Variants in SYNDIG1 observed in about 807,000 individuals in gnomAD.
The protein encoded by SYNDIG1 is synapse differentiation-inducing gene protein 1.
SYNDIG1 carries 9 observed loss-of-function variants against 19.4 expected under a neutral mutation model. That is an observed-to-expected ratio of 0.46 (90% CI 0.28 to 0.81). SYNDIG1 has a LOEUF of 0.81. SYNDIG1 is among the 30% of genes least tolerant of loss of function. The pLI is 0.12. For synonymous variants in SYNDIG1, 141 were observed against 145.9 expected (o/e 0.97, Z 0.24); for missense variants, 311 against 343.3 (o/e 0.91, Z 0.74).
intron 3 of SYNDIG1, among the ~76,000 whole-genome samples, chr20:24,641,877 A>G (rs1269465803): frequency 1.3e-5 from 2 of 152,260 alleles, no homozygotes; most frequent in Admixed American, 6.5e-5. Context: ...TTACTAAGAC[A>G]GTACACAGAG....
intron 1 of SYNDIG1, among the ~76,000 whole-genome samples, chr20:24,511,021 T>A (rs1431121016): frequency 6.6e-6 from 1 of 152,234 alleles, no homozygotes; most frequent in African/African-American, 2.4e-5. Flanking sequence ...GAAATTCCAA[T>A]TTGCCTTGTC....
At chr20:24,555,198 C>A (rs2057788620) in intron 2 of SYNDIG1, among the ~76,000 whole-genome samples, 1 of 151,916 alleles carries the variant, frequency 6.6e-6, no homozygotes, top group Admixed American at 6.6e-5. Flanking sequence ...TCTCTCTTTT[C>A]TTCCTTATTA....
Position 24,556,732 on chromosome 20 carries a change from C to T in SYNDIG1, c.480+13155C>T, listed in dbSNP as rs1251427461. On this transcript the variant is annotated intron_variant, in intron 2 of 3. Transcript: ENST00000376862. ...AACCCGACGTTTCTCTCTAGCTGCC[C>T]TTAACATTTTTTCCTTCATTTCAAC... is the stretch of plus-strand genomic sequence containing the variant. Among the ~76,000 whole-genome samples the T allele has an allele frequency of 2.0e-5, 3 of 152,284 alleles. No homozygotes were observed. In the East Asian group the frequency reaches 5.8e-4, roughly 29 times the overall value.
rs2055893108 is a variant in SYNDIG1 at position 24,484,257 on chromosome 20, GTGTAT to G, written c.-79+14505_-79+14509del. 2.0e-5 allele frequency among the ~76,000 whole-genome samples: 3 copies of G among 152,180 alleles called. No individual in the cohort carries two copies. In the East Asian group the frequency reaches 5.8e-4, roughly 29 times the overall value. ...ATTCTCTCAGGCAGGTGCTGTCAGA[GTGTAT>G]CTGGAGCCAGAAGAGTGGGGGGCCT... On this transcript the variant is annotated intron_variant, in intron 1 of 3. Transcript: ENST00000376862.
intron 3 of SYNDIG1, among the ~76,000 whole-genome samples, chr20:24,591,958 C>T (rs1005524985): frequency 6.6e-6 from 1 of 152,196 alleles, no homozygotes; most frequent in Admixed American, 6.5e-5. Context: ...GTCTGATATC[C>T]TTGCCTCTTG....
At chr20:24,478,497 G>T (rs12479668) in intron 1 of SYNDIG1, among the ~76,000 whole-genome samples, 2,427 of 152,294 alleles carry the variant, frequency 0.016, 35 homozygotes, top group Non-Finnish European at 0.024. Flanking sequence ...TTCAGGGCTT[G>T]CTTGCTTTTG....
At position 24,555,478 on chromosome 20, in the gene SYNDIG1, G is replaced by A. The variant is rs1436396535; in HGVS notation, c.480+11901G>A. ...TTTCCCTCTACACAGTGCTTTGAAT[G>A]TGTCCCAGAGACTCTGGTATGTTGT... is the stretch of plus-strand genomic sequence containing the variant. On this transcript the variant is annotated intron_variant, in intron 2 of 3. Coordinates refer to ENST00000376862, the MANE Select transcript of SYNDIG1 (RefSeq NM_024893.3). Among the ~76,000 whole-genome samples the A allele has an allele frequency of 2.0e-5, 3 of 152,088 alleles. No individual in the cohort carries two copies. In the East Asian group the frequency reaches 5.8e-4, roughly 29 times the overall value.
intron 1 of SYNDIG1, among the ~76,000 whole-genome samples, chr20:24,512,198 A>G (rs2056761927): frequency 6.9e-6 from 1 of 144,804 alleles, no homozygotes; most frequent in Non-Finnish European, 1.5e-5. Flanking sequence ...TCCAGTCAAC[A>G]GCTCCCAGCG....
chr20:24,627,733 A>G (rs1241933774), intron 3 of SYNDIG1, among the ~76,000 whole-genome samples: 1 of 152,236 alleles, frequency 6.6e-6, no homozygotes, highest in Non-Finnish European at 1.5e-5. Flanking sequence ...ACTAAAAGGG[A>G]ATGCTTTTCT....
chr20:24,514,655 G>A (rs191067625), intron 1 of SYNDIG1, among the ~76,000 whole-genome samples: 1 of 152,294 alleles, frequency 6.6e-6, no homozygotes, highest in East Asian at 1.9e-4. Flanking sequence ...AAGAGACTTA[G>A]ACTCCCATGC....
intron 3 of SYNDIG1, among the ~76,000 whole-genome samples, chr20:24,587,935 G>T (rs1487233764): frequency 6.6e-6 from 1 of 152,218 alleles, no homozygotes; most frequent in Non-Finnish European, 1.5e-5. Flanking sequence ...ACTGTTCAGT[G>T]AAGTCAAAGG....
chr20:24,529,380 A>G (rs2057194238), intron 1 of SYNDIG1, among the ~76,000 whole-genome samples: 1 of 151,174 alleles, frequency 6.6e-6, no homozygotes, highest in South Asian at 2.1e-4. Context: ...GGTGGTATGG[A>G]AGGGATGATG....
intron 1 of SYNDIG1, chr20:24,502,302 C>G (rs1051888735): frequency 2.0e-5 from 3 of 152,260 alleles, no homozygotes; most frequent in Non-Finnish European, 4.4e-5. Flanking sequence ...AAGCAGCAGG[C>G]CTGTTCTGCG....
intron 3 of SYNDIG1, among the ~76,000 whole-genome samples, chr20:24,594,374 A>G (rs1200568524): frequency 6.6e-6 from 1 of 151,976 alleles, no homozygotes; most frequent in Non-Finnish European, 1.5e-5. Context: ...ATTCTGTTTC[A>G]TTGGTCTATA....
chr20:24,505,979 C>T (rs1413319412), intron 1 of SYNDIG1, among the ~76,000 whole-genome samples: 1 of 152,178 alleles, frequency 6.6e-6, no homozygotes, highest in African/African-American at 2.4e-5. Context: ...GTAACTGGTC[C>T]AGAACATAGG....
intron 1 of SYNDIG1, among the ~76,000 whole-genome samples, chr20:24,526,108 G>T (rs150549698): frequency 6.6e-6 from 1 of 151,944 alleles, no homozygotes. Context: ...TTCCATGTCC[G>T]TATGCTTTAG....
intron 2 of SYNDIG1, among the ~76,000 whole-genome samples, chr20:24,584,562 G>A (rs998357956): frequency 2.0e-5 from 3 of 152,104 alleles, no homozygotes; most frequent in East Asian, 1.9e-4. Context: ...ACATCCCAGC[G>A]ATCTTAGAAA....
chr20:24,542,756 G>A (rs1239566170), intron 1 of SYNDIG1, among the ~76,000 whole-genome samples: 2 of 152,222 alleles, frequency 1.3e-5, no homozygotes, highest in African/African-American at 4.8e-5. Flanking sequence ...TAGGCTGCAA[G>A]GGAGCCAATT....
intron 1 of SYNDIG1, among the ~76,000 whole-genome samples, chr20:24,481,670 A>C (rs1421946446): frequency 6.6e-6 from 1 of 152,234 alleles, no homozygotes; most frequent in Non-Finnish European, 1.5e-5. Flanking sequence ...TCAATCTGCC[A>C]TGCAGACAGG....
Sources: gnomAD v4.1 joint callset for allele counts (sites outside exome capture counted in the v4.1 genomes callset) on GRCh38, gnomAD v4.1.1 for gene constraint, MANE v1.5 for transcripts, NCBI Gene and HGNC (gene_info 2026-07-23, HGNC 2026-07-21) for gene names.